Variants in ZNF385D observed in about 807,000 individuals in gnomAD.
ZNF385D encodes the protein zinc finger protein 659.
Under a neutral mutation model 35.8 loss-of-function variants are expected in ZNF385D, and 15 were observed. The ratio of observed to expected loss-of-function variants is 0.42; its 90% confidence interval spans 0.28 to 0.64. The LOEUF (loss-of-function observed/expected upper bound fraction) is 0.64. ZNF385D is among the 30% of genes least tolerant of loss of function. The probability of loss-of-function intolerance (pLI) is 0.23; values close to 1 mark genes in which losing one functional copy is unlikely to be tolerated. For missense variants in ZNF385D, 474 were observed against 494.6 expected, an observed-to-expected ratio of 0.96 and a Z score of 0.39; for synonymous variants, 212 against 186.8, an observed-to-expected ratio of 1.13 and a Z score of -1.10.
intron 3 of ZNF385D, among the ~76,000 whole-genome samples, chr3:21,845,451 TCA>T (rs1695947852): frequency 1.3e-5 from 2 of 151,984 alleles, no homozygotes; most frequent in Non-Finnish European, 2.9e-5. Context: ...AAATCCCTTT[TCA>T]GATATGAAAT....
chr3:21,460,957 C>T (rs947889340), intron 4 of ZNF385D, among the ~76,000 whole-genome samples: 9 of 152,196 alleles, frequency 5.9e-5, no homozygotes, highest in African/African-American at 2.2e-4. Flanking sequence ...TTTTTCTACC[C>T]ATTAATTTTT....
chr3:21,679,907 G>A (rs1240481740), intron 1 of ZNF385D, among the ~76,000 whole-genome samples: 2 of 152,052 alleles, frequency 1.3e-5, no homozygotes, highest in Non-Finnish European at 2.9e-5. Context: ...AGAAGTATAT[G>A]TCTTTTAAAC....
chr3:21,751,013 G>C lies in ZNF385D; in HGVS notation c.-97C>G. On this transcript the variant is annotated 5_prime_UTR_variant, in exon 1 of 8. Coordinates refer to ENST00000281523, the MANE Select transcript of ZNF385D (RefSeq NM_024697.3). ...GAGCCCTTTCATGCTACATTCGGTG[G>C]AAATGTCCCCGGCGTGGAGAGCAGT... 6.2e-7 allele frequency: 1 copy of C among 1,606,946 alleles called. No individual in the cohort carries two copies. The highest frequency in any genetic ancestry group is 8.5e-7 in the Non-Finnish European group (1 of 1,176,760).
At chr3:21,433,608 G>T (rs2125224645) in intron 5 of ZNF385D, among the ~76,000 whole-genome samples, 1 of 152,224 alleles carries the variant, frequency 6.6e-6, no homozygotes, top group Non-Finnish European at 1.5e-5. Flanking sequence ...TAAAGGTGGG[G>T]CATTGATTGC....
intron 3 of ZNF385D, among the ~76,000 whole-genome samples, chr3:21,883,974 C>T (rs1235393861): frequency 1.3e-5 from 2 of 151,926 alleles, no homozygotes; most frequent in African/African-American, 2.4e-5. Context: ...GGTTTGTGCA[C>T]CATTTTGTGA....
chr3:21,762,898 G>C (rs1575606677), intron 3 of ZNF385D, among the ~76,000 whole-genome samples: 1 of 152,096 alleles, frequency 6.6e-6, no homozygotes, highest in East Asian at 1.9e-4. Context: ...GATGCTTTTG[G>C]TTCTACGTCA....
intron 4 of ZNF385D, among the ~76,000 whole-genome samples, chr3:21,489,976 A>T (rs2125403400): frequency 6.6e-6 from 1 of 152,246 alleles, no homozygotes; most frequent in Admixed American, 6.5e-5. Flanking sequence ...AGTTCCTAAA[A>T]TTCTTTTGCT....
chr3:21,608,012 C>CTTCTTTTTTTTTTTTTTTTTTTTTTT (rs2064536095), intron 2 of ZNF385D, among the ~76,000 whole-genome samples: 6 of 123,954 alleles, frequency 4.8e-5, no homozygotes, highest in African/African-American at 1.9e-4. Context: ...TCTTTTTCTT[C>CTTCTTTTTTTTTTTTTTTTTTTTTTT]TTTTTTTTTT....
In ZNF385D at chr3:22,281,003, A is replaced by T. The variant is rs112404381; in HGVS notation, c.106+91447T>A. Among the ~76,000 whole-genome samples, 772 of 152,052 alleles carry T rather than the reference A, an allele frequency of 5.1e-3. 22 individuals carry two copies. In the East Asian group the frequency reaches 0.092, roughly 18 times the overall value. ...TTTGTTTTGTTTTTCCAGTTATTGT[A>T]AAAGGGTTCTTGAGTTCTTGATCTG... On this transcript the variant is annotated intron_variant, in intron 2 of 5. Transcript: ENST00000494108.
intron 3 of ZNF385D, among the ~76,000 whole-genome samples, chr3:21,805,128 C>T (rs2072581265): frequency 6.6e-6 from 1 of 152,144 alleles, no homozygotes; most frequent in South Asian, 2.1e-4. Context: ...CTGGGACCAT[C>T]TCCTCCCATT....
intron 2 of ZNF385D, among the ~76,000 whole-genome samples, chr3:22,272,077 C>T (rs903220638): frequency 1.3e-5 from 2 of 151,962 alleles, no homozygotes; most frequent in Non-Finnish European, 2.9e-5. Flanking sequence ...ATCGTATCCA[C>T]AAAATGCCAT....
intron 3 of ZNF385D, among the ~76,000 whole-genome samples, chr3:22,111,999 T>C (rs1290440981): frequency 1.3e-5 from 2 of 152,128 alleles, no homozygotes; most frequent in African/African-American, 4.8e-5. Flanking sequence ...CTAATATGCA[T>C]AAATTAATCA....
At chr3:21,838,398 C>G (rs183114662) in intron 3 of ZNF385D, among the ~76,000 whole-genome samples, 1 of 152,206 alleles carries the variant, frequency 6.6e-6, no homozygotes, top group African/African-American at 2.4e-5. Context: ...TGTTTGTGAA[C>G]AGCTTCCAGC....
In ZNF385D at chr3:21,698,122, A is replaced by G. The variant is rs1434209569; in HGVS notation, c.23-33094T>C. On this transcript the variant is annotated intron_variant, in intron 1 of 7. Coordinates refer to ENST00000281523, the MANE Select transcript of ZNF385D (RefSeq NM_024697.3). ...CTATCTACTCAAAGGAAAAGAAATC[A>G]TTATGTAAAAAAGACACCTGCACAC... Among the ~76,000 whole-genome samples the G allele has an allele frequency of 2.0e-5, 3 of 152,192 alleles. No homozygotes were observed. In the East Asian group the frequency reaches 5.8e-4, roughly 29 times the overall value.
At chr3:21,855,941 C>A (rs1197405854) in intron 3 of ZNF385D, among the ~76,000 whole-genome samples, 1 of 151,914 alleles carries the variant, frequency 6.6e-6, no homozygotes, top group Non-Finnish European at 1.5e-5. Context: ...CCACCAAACA[C>A]AGAACTGGAT....
At chr3:22,264,851 T>G (rs999988469) in intron 2 of ZNF385D, among the ~76,000 whole-genome samples, 1 of 135,336 alleles carries the variant, frequency 7.4e-6, no homozygotes, top group Non-Finnish European at 1.7e-5. Flanking sequence ...TATCTAAAAT[T>G]CCATTCTCCC....
chr3:21,676,907 C>T (rs1056557835), intron 1 of ZNF385D, among the ~76,000 whole-genome samples: 1 of 151,828 alleles, frequency 6.6e-6, no homozygotes, highest in Admixed American at 6.6e-5. Flanking sequence ...AAGGAAAGGA[C>T]CTGCATTTTC....
At chr3:21,700,943 C>G (rs2125380546) in intron 1 of ZNF385D, among the ~76,000 whole-genome samples, 1 of 152,248 alleles carries the variant, frequency 6.6e-6, no homozygotes, top group Non-Finnish European at 1.5e-5. Context: ...TTCTCCGCCT[C>G]CAGGTGTACT....
chr3:21,459,267 C>T (rs1316222218), intron 4 of ZNF385D: 1 of 152,132 alleles, frequency 6.6e-6, no homozygotes, highest in Non-Finnish European at 1.5e-5. Context: ...AGGCTTATAA[C>T]ACCTTGTCTA....
Sources: gnomAD v4.1 joint callset for allele counts (sites outside exome capture counted in the v4.1 genomes callset) on GRCh38, gnomAD v4.1.1 for gene constraint, MANE v1.5 for transcripts, NCBI Gene and HGNC (gene_info 2026-07-23, HGNC 2026-07-21) for gene names.